TRAF3: variants seen among roughly 807,000 people sequenced by gnomAD.
TRAF3 encodes TNF receptor-associated factor 3.
A neutral mutation model predicts 62.3 loss-of-function variants in TRAF3; 13 were observed. The observed-to-expected ratio is 0.21, with a 90% CI of 0.14 to 0.33. The LOEUF (loss-of-function observed/expected upper bound fraction) is 0.33. Among genes scored for constraint, TRAF3 ranks in the 10% least tolerant of loss-of-function variants. TRAF3 has a pLI of 1.00. For synonymous variants in TRAF3, 269 were observed against 283.4 expected, an observed-to-expected ratio of 0.95 and a Z score of 0.51; for missense variants, 440 against 741.8, an observed-to-expected ratio of 0.59 and a Z score of 4.73.
intron 1 of TRAF3, among the ~76,000 whole-genome samples, chr14:102,828,159 C>T (rs1900437834): frequency 6.6e-6 from 1 of 152,220 alleles, no homozygotes; most frequent in Non-Finnish European, 1.5e-5. Context: ...CTCAGGTGTT[C>T]ACAGCATTTT....
At chr14:102,869,679 G>A (rs573007259) in intron 2 of TRAF3, among the ~76,000 whole-genome samples, 22 of 151,784 alleles carry the variant, frequency 1.4e-4, no homozygotes, top group Admixed American at 1.0e-3. Flanking sequence ...GGTGGTGGCC[G>A]CCTGTAGTCT....
intron 1 of TRAF3, among the ~76,000 whole-genome samples, chr14:102,805,778 C>T (rs1898736260): frequency 6.6e-6 from 1 of 152,214 alleles, no homozygotes; most frequent in African/African-American, 2.4e-5. Flanking sequence ...TAGACCCAGA[C>T]TCTTCAAAGG....
In TRAF3 at chr14:102,886,175, T is replaced by C; in HGVS notation, c.571-14T>C. On this transcript the variant is annotated splice_polypyrimidine_tract_variant and intron_variant, in intron 6 of 11. Transcript: ENST00000392745. ...TTGTGTGTTTAAAGTTGATAGTACT[T>C]TCTCTCTCTGTAGAAACACGAAGAC... is the stretch of plus-strand genomic sequence containing the variant. The C allele has an allele frequency of 1.9e-6, 3 of 1,611,586 alleles. No homozygotes were observed. The highest frequency in any genetic ancestry group is 2.5e-6 in the Non-Finnish European group (3 of 1,178,362).
intron 6 of TRAF3, among the ~76,000 whole-genome samples, chr14:102,885,149 G>A (rs900375821): frequency 4.6e-5 from 7 of 152,218 alleles, no homozygotes; most frequent in Non-Finnish European, 8.8e-5. Context: ...TTAGAAACAT[G>A]CCGAGGAAAG....
intron 2 of TRAF3, among the ~76,000 whole-genome samples, chr14:102,834,874 G>A (rs1182201215): frequency 6.6e-6 from 1 of 150,692 alleles, no homozygotes; most frequent in Non-Finnish European, 1.5e-5. Flanking sequence ...AAAAGCAATT[G>A]CAACAAAAGC....
At chr14:102,899,263 A>C (rs899592576) in intron 10 of TRAF3, among the ~76,000 whole-genome samples, 1 of 152,148 alleles carries the variant, frequency 6.6e-6, no homozygotes, top group African/African-American at 2.4e-5. Context: ...TCCTCAGGAA[A>C]TGCTGATTGA....
chr14:102,855,187 G>A (rs888427346), intron 2 of TRAF3, among the ~76,000 whole-genome samples: 14 of 152,104 alleles, frequency 9.2e-5, no homozygotes, highest in Admixed American at 7.9e-4. Flanking sequence ...AAGGCTGAAT[G>A]GTATTCACTG....
At chr14:102,804,349 C>T (rs1341998889) in intron 1 of TRAF3, among the ~76,000 whole-genome samples, 4 of 152,066 alleles carry the variant, frequency 2.6e-5, no homozygotes, top group South Asian at 2.1e-4. Context: ...ATAATTGGGC[C>T]GTTTTTGGTG....
Position 102,910,345 on chromosome 14 carries a change from G to A in TRAF3, c.*4561G>A, listed in dbSNP as rs574683874. 6.6e-6 allele frequency: 1 copy of A among 152,418 alleles called. No homozygotes were observed. Among genetic ancestry groups the A allele is most frequent in the Admixed American group, 6.5e-5 (1 of 15,310 alleles). The allele number at this position is 152,418 out of a possible 1,614,324, so 9.4% of individuals were successfully genotyped here. ...GAAGCCCCCTTGCTTTTGTATCTGT[G>A]AGGTGAATGAGGGTCTGTCACCCAA... On this transcript the variant is annotated 3_prime_UTR_variant, in exon 12 of 12. Transcript: ENST00000392745.
At chr14:102,783,113 C>T (rs1161460149) in intron 1 of TRAF3, among the ~76,000 whole-genome samples, 1 of 152,180 alleles carries the variant, frequency 6.6e-6, no homozygotes, top group Non-Finnish European at 1.5e-5. Flanking sequence ...ATGGTAAGCT[C>T]TGGGTCAGTG....
At chr14:102,790,744 A>G (rs1024935761) in intron 1 of TRAF3, among the ~76,000 whole-genome samples, 2 of 152,172 alleles carry the variant, frequency 1.3e-5, no homozygotes, top group African/African-American at 4.8e-5. Flanking sequence ...GCCAAACCAT[A>G]TCACACACTG....
intron 2 of TRAF3, among the ~76,000 whole-genome samples, chr14:102,841,002 C>G (rs1440748510): frequency 6.6e-6 from 1 of 152,206 alleles, no homozygotes; most frequent in African/African-American, 2.4e-5. Context: ...CACAACTACT[C>G]TGCTATGCTC....
At chr14:102,817,208 T>A (rs192234638) in intron 1 of TRAF3, among the ~76,000 whole-genome samples, 3 of 152,180 alleles carry the variant, frequency 2.0e-5, no homozygotes, top group Admixed American at 2.0e-4. Flanking sequence ...GGAGATATAT[T>A]TGAGAATTAT....
At chr14:102,783,030 G>T (rs1163490736) in intron 1 of TRAF3, among the ~76,000 whole-genome samples, 2 of 152,178 alleles carry the variant, frequency 1.3e-5, no homozygotes, top group Non-Finnish European at 2.9e-5. Flanking sequence ...GTTAATGCCC[G>T]TTAGGAGGCC....
At chr14:102,884,101 G>A (rs1361307171) in intron 6 of TRAF3, among the ~76,000 whole-genome samples, 1 of 152,246 alleles carries the variant, frequency 6.6e-6, no homozygotes, top group Non-Finnish European at 1.5e-5. Context: ...TTCTGGGTCT[G>A]GAAATGCAAA....
intron 10 of TRAF3, among the ~76,000 whole-genome samples, chr14:102,902,775 A>G (rs1161804902): frequency 1.3e-5 from 2 of 151,964 alleles, no homozygotes; most frequent in Admixed American, 1.3e-4. Flanking sequence ...TGAACAGGAG[A>G]GCTGGTGGGG....
chr14:102,835,814 G>A (rs1036851649), intron 2 of TRAF3, among the ~76,000 whole-genome samples: 2 of 152,098 alleles, frequency 1.3e-5, no homozygotes, highest in Admixed American at 6.6e-5. Flanking sequence ...TCTAGGCTTC[G>A]TACCTGGGTT....
intron 2 of TRAF3, among the ~76,000 whole-genome samples, chr14:102,862,401 C>CAAA (rs34141177): frequency 1.9e-5 from 2 of 107,892 alleles, no homozygotes; most frequent in African/African-American, 6.2e-5. Flanking sequence ...ATCCCTTCTC[C>CAAA]AAAAAAAAAA....
chr14:102,898,184 C>G (rs1231972470), intron 10 of TRAF3, among the ~76,000 whole-genome samples: 1 of 152,106 alleles, frequency 6.6e-6, no homozygotes. Flanking sequence ...TTTGAGAATG[C>G]CTTTTCTCCA....
Sources: gnomAD v4.1 joint callset for allele counts (sites outside exome capture counted in the v4.1 genomes callset) on GRCh38, gnomAD v4.1.1 for gene constraint, MANE v1.5 for transcripts, NCBI Gene and HGNC (gene_info 2026-07-23, HGNC 2026-07-21) for gene names.